PHF12: variants seen among roughly 807,000 people sequenced by gnomAD.
The protein encoded by PHF12 is PHD factor 1.
PHF12 carries 6 observed loss-of-function variants against 99.8 expected under a neutral mutation model. The ratio of observed to expected loss-of-function variants is 0.06; its 90% confidence interval spans 0.03 to 0.12. The LOEUF (loss-of-function observed/expected upper bound fraction) is 0.12, where lower values mean the gene tolerates loss of function less well. Ranked by LOEUF, PHF12 falls within the 10% of genes least tolerant of loss-of-function variation. The pLI, the probability that PHF12 is intolerant of heterozygous loss-of-function variation, is 1.00. For missense variants in PHF12, 954 were observed against 1,300.1 expected, an observed-to-expected ratio of 0.73 and a Z score of 4.09; for synonymous variants, 480 against 514.9, an observed-to-expected ratio of 0.93 and a Z score of 0.92.
chr17:28,913,074 C>G lies in PHF12; in HGVS notation c.1497G>C (p.Gly499=). The G allele has an allele frequency of 6.2e-7, 1 of 1,614,134 alleles. No homozygotes were observed. Among genetic ancestry groups the G allele is most frequent in the Non-Finnish European group, 8.5e-7 (1 of 1,180,008 alleles). ...AGCTCAGGGAATTCTGGGTGCTAAT[C>G]CCTGAGGGGCAGGACAAGGGGTAGT... The part of the protein sequence containing the change: ...PSHYPLSCPS[G]ISTQNSLSCS... Residue 499 remains glycine (G), a synonymous_variant, in exon 9 of 15, where the codon GGG becomes GGC. Coordinates refer to ENST00000332830, the MANE Select transcript of PHF12 (RefSeq NM_001033561.2).
At chr17:28,947,844 A>G (rs2040745626) in intron 2 of PHF12, among the ~76,000 whole-genome samples, 1 of 152,198 alleles carries the variant, frequency 6.6e-6, no homozygotes, top group Non-Finnish European at 1.5e-5. Flanking sequence ...TACTTCATTT[A>G]CACATTCACA....
chr17:28,926,831 G>A (rs1414168259), intron 3 of PHF12, 160 bp downstream of exon 3: 1 of 1,538,460 alleles, frequency 6.5e-7, no homozygotes, highest in East Asian at 2.4e-5. Flanking sequence ...GGCCCTACTG[G>A]ATTCCAAACA....
rs962014262 is a variant in PHF12 at position 28,919,577 on chromosome 17, A to G, written c.837-302T>C. On this transcript the variant is annotated intron_variant, in intron 5 of 14. Transcript: ENST00000332830. Reference sequence around the variant, plus strand: ...AACATGGTGAAACCCTGTCTCTACTAAAAATACAAAAAATTAGCTGGGCGT... The same window carrying G: ...AACATGGTGAAACCCTGTCTCTACTGAAAATACAAAAAATTAGCTGGGCGT... 7.9e-5 allele frequency among the ~76,000 whole-genome samples: 12 copies of G among 152,132 alleles called. No homozygotes were observed. In the East Asian group the frequency reaches 2.3e-3, roughly 29 times the overall value.
At chr17:28,907,503 TC>T (rs1447912869) in intron 13 of PHF12, 86 bp downstream of exon 13, 1 of 1,340,342 alleles carries the variant, frequency 7.5e-7, no homozygotes, top group Non-Finnish European at 1.1e-6. Context: ...CCCTCTTCCC[TC>T]CCCTCAGGGC....
intron 2 of PHF12, among the ~76,000 whole-genome samples, chr17:28,931,983 T>G (rs988940595): frequency 6.6e-6 from 1 of 152,156 alleles, no homozygotes; most frequent in African/African-American, 2.4e-5. Flanking sequence ...ATTAGATGGA[T>G]AGGAAAGAAA....
At chr17:28,941,723 C>CCTCCCAAGTACTTGGGA (rs1175347158) in intron 2 of PHF12, among the ~76,000 whole-genome samples, 7 of 152,114 alleles carry the variant, frequency 4.6e-5, no homozygotes, top group Admixed American at 6.5e-5. Context: ...CCTGCCTCAG[C>CCTCCCAAGTACTTGGGA]CTCCCAAGTA....
rs987147128 is a variant in PHF12 at position 28,947,830 on chromosome 17, G to A, written c.248+2235C>T. Among the ~76,000 whole-genome samples the A allele has an allele frequency of 1.4e-4, 21 of 151,744 alleles. 1 individual carries two copies. The highest frequency in any genetic ancestry group is 3.4e-3 in the Middle Eastern group (1 of 292). On this transcript the variant is annotated intron_variant, in intron 2 of 14. Coordinates refer to ENST00000332830, the MANE Select transcript of PHF12 (RefSeq NM_001033561.2). ...AGGGAGAATTGGAGATGTGAAACAA[G>A]CACTACTTCATTTACACATTCACAA...
Position 28,924,404 on chromosome 17 carries a change from C to T in PHF12, c.322-102G>A, listed in dbSNP as rs771935339. The T allele has an allele frequency of 1.7e-5, 26 of 1,506,344 alleles. No individual in the cohort carries two copies. In the South Asian group the frequency reaches 2.7e-4, roughly 16 times the overall value. 93.3% of individuals were successfully genotyped at this position (1,506,344 alleles called of 1,614,324 possible). A position where few individuals can be genotyped will look rare whatever the true frequency, so the allele number is the denominator to read the frequency against. On this transcript the variant is annotated intron_variant, in intron 3 of 14. Coordinates refer to ENST00000332830, the MANE Select transcript of PHF12 (RefSeq NM_001033561.2). ...ACCACTAATCAAAACTGTAAAAGGC[C>T]TTCACATATCACAGACTCATCTACC...
intron 3 of PHF12, chr17:28,926,307 G>A (rs2040272223): frequency 5.9e-6 from 1 of 169,520 alleles, no homozygotes; most frequent in African/African-American, 2.4e-5. Flanking sequence ...GTTGCTTGGT[G>A]TATAATTAGT....
chr17:28,928,054 T>G (rs1462367274), intron 2 of PHF12: 1 of 152,232 alleles, frequency 6.6e-6, no homozygotes, highest in African/African-American at 2.4e-5. Context: ...GAGGTTGCAG[T>G]GAACCAAGAT....
chr17:28,922,373 T>A (rs2040182265), intron 4 of PHF12, among the ~76,000 whole-genome samples: 1 of 152,152 alleles, frequency 6.6e-6, no homozygotes, highest in African/African-American at 2.4e-5. Flanking sequence ...GGATTACAGG[T>A]GTGAGCCACC....
At chr17:28,926,797 C>T (rs752176053) in intron 3 of PHF12, 194 bp downstream of exon 3, 23 of 1,529,256 alleles carry the variant, frequency 1.5e-5, no homozygotes, top group Non-Finnish European at 1.9e-5. Flanking sequence ...CTGCCCATTT[C>T]AGCAGCCCAT....
chr17:28,950,043 C>T lies in PHF12; in HGVS notation c.248+22G>A, dbSNP rs774647819. 3 of 1,572,084 alleles carry T rather than the reference C, an allele frequency of 1.9e-6. No homozygotes were observed. The highest frequency in any genetic ancestry group is 1.7e-6 in the Non-Finnish European group (2 of 1,155,746). ...CAGAGAAGGGTCCGCCAAGAAGCTC[C>T]AAAAGGGTCCCCAGACCTTACCAGC... On this transcript the variant is annotated intron_variant, in intron 2 of 14. Coordinates refer to ENST00000332830, the MANE Select transcript of PHF12 (RefSeq NM_001033561.2). The surrounding 1 kb of genome is among the most constrained non-coding windows in gnomAD (Gnocchi z 5.7).
intron 2 of PHF12, among the ~76,000 whole-genome samples, chr17:28,931,435 T>C (rs2040403247): frequency 6.6e-6 from 1 of 151,044 alleles, no homozygotes; most frequent in African/African-American, 2.4e-5. Flanking sequence ...TTTTATATTT[T>C]TAGTAGAGAT....
At chr17:28,932,172 C>T (rs1405882476) in intron 2 of PHF12, among the ~76,000 whole-genome samples, 3 of 152,080 alleles carry the variant, frequency 2.0e-5, no homozygotes, top group Non-Finnish European at 4.4e-5. Context: ...CACTCTGTCA[C>T]CCAGGCTGGA....
chr17:28,910,998 A>C, intron 10 of PHF12, 114 bp downstream of exon 10: 2 of 1,405,908 alleles, frequency 1.4e-6, no homozygotes, highest in Non-Finnish European at 1.9e-6. Context: ...ATCTCCCCCT[A>C]GGCCTCTGGG....
intron 2 of PHF12, among the ~76,000 whole-genome samples, chr17:28,942,004 T>C (rs895095540): frequency 2.6e-5 from 4 of 152,176 alleles, no homozygotes; most frequent in Admixed American, 2.0e-4. Flanking sequence ...GAGCATCCTA[T>C]CTAAAGGCAG....
chr17:28,924,342 A>G (rs2040226549), intron 3 of PHF12, 40 bp from the exon 4 acceptor site: 1 of 1,613,398 alleles, frequency 6.2e-7, no homozygotes, highest in Non-Finnish European at 8.5e-7. Context: ...GAAAAGTACC[A>G]TGAAACAAAG....
chr17:28,912,069 T>G (rs901911645), intron 9 of PHF12: 14 of 1,005,074 alleles, frequency 1.4e-5, no homozygotes, highest in Middle Eastern at 9.8e-4. Flanking sequence ...AATCCATTCT[T>G]TTGTGTGGAT....
Sources: gnomAD v4.1 joint callset for allele counts (sites outside exome capture counted in the v4.1 genomes callset) on GRCh38, gnomAD v4.1.1 for gene constraint, Gnocchi (gnomAD v3.1) non-coding constraint, MANE v1.5 for transcripts, NCBI Gene and HGNC (gene_info 2026-07-23, HGNC 2026-07-21) for gene names.